The following ICAM3 variants were observed in gnomAD, a reference collection of about 807,000 sequenced individuals.
ICAM3 encodes intercellular adhesion molecule 3.
ICAM3 carries 54 observed loss-of-function variants against 43.6 expected under a neutral mutation model. That is an observed-to-expected ratio of 1.24 (90% CI 0.99 to 1.55). The LOEUF is 1.55. Among genes scored for constraint, ICAM3 ranks in the 40% most tolerant of loss-of-function variants. ICAM3 has a pLI of 0.00. For missense variants in ICAM3, 715 were observed against 717.9 expected (o/e 1.00, Z 0.05); for synonymous variants, 306 against 312.6 (o/e 0.98, Z 0.22).
chr19:10,336,242 G>C, intron 2 of ICAM3: 1 of 493,682 alleles, frequency 2.0e-6, no homozygotes, highest in South Asian at 3.2e-5. Flanking sequence ...AATGAGGATG[G>C]AAGGGATGAA....
chr19:10,335,428 G>A (rs997736256), intron 3 of ICAM3, 75 bp from the exon 4 acceptor site: 22 of 1,380,462 alleles, frequency 1.6e-5, no homozygotes, highest in Non-Finnish European at 1.9e-5. Context: ...CCCCCAGTCA[G>A]GATATCTTGC....
Position 10,335,291 on chromosome 19 carries a change from G to C in ICAM3, c.712C>G (p.Pro238Ala), listed in dbSNP as rs906831006. The C allele has an allele frequency of 1.9e-6, 3 of 1,612,872 alleles. 1 individual carries two copies. Among genetic ancestry groups the C allele is most frequent in the Non-Finnish European group, 8.5e-7 (1 of 1,179,904 alleles). Residue 238 changes from proline (P) to alanine (A), a missense_variant, in exon 4 of 7, where the codon CCG becomes GCG. Transcript: ENST00000160262. ...AGCCCGTCTAGGGTGCAGTCCACCG[G>C]CCACGACGTTTCCACCTCCAAGAAC... The part of the protein sequence containing the change: ...PRFLEVETSW[P>A]VDCTLDGLFP...
Position 10,336,869 on chromosome 19 carries a change from G to A in ICAM3, c.344-893C>T, listed in dbSNP as rs1319763151. 5.9e-5 allele frequency among the ~76,000 whole-genome samples: 9 copies of A among 151,306 alleles called. No individual in the cohort carries two copies. The South Asian group carries it at 1.9e-3, about 32-fold the overall frequency. On this transcript the variant is annotated intron_variant, in intron 2 of 6. Transcript: ENST00000160262. ...TCATGCCTGTAATCCCACCACTTTG[G>A]GAGGCCGAGGGAGGCGGATCACTTG...
chr19:10,338,901 C>T lies in ICAM3; in HGVS notation c.124G>A (p.Val42Met). 1.9e-6 allele frequency: 3 copies of T among 1,614,062 alleles called. No homozygotes were observed. The South Asian group carries it at 3.3e-5, about 18-fold the overall frequency. The change falls in exon 2 of 7, where the codon GTG becomes ATG. Residue 42 changes from valine to methionine, a missense_variant. Physicochemically the swap from Val to Met is conservative, Grantham distance 21 (BLOSUM62 1). Coordinates refer to ENST00000160262, the MANE Select transcript of ICAM3 (RefSeq NM_002162.5). ...FLLRVEPQNP[V>M]LSAGGSLFVN... is the part of the protein sequence containing the mutation. ...AACAGGGACCCTCCAGCAGAGAGCA[C>T]AGGGTTCTGGGGCTCCACCCGCAAA...
At position 10,334,075 on chromosome 19, in the gene ICAM3, G is replaced by C; in HGVS notation, c.1442-16C>G. Reference sequence around the variant, plus strand: ...GAGCTCCCAGCTGTGCAGAGAAAGCGCTAAGTCAATATGCGTCCCTTCTGT... The same window carrying C: ...GAGCTCCCAGCTGTGCAGAGAAAGCCCTAAGTCAATATGCGTCCCTTCTGT... On this transcript the variant is annotated splice_polypyrimidine_tract_variant and intron_variant, in intron 6 of 6. Transcript: ENST00000160262. The surrounding 1 kb of genome is among the most constrained non-coding windows in gnomAD (Gnocchi z 5.5). The C allele has an allele frequency of 1.9e-6, 3 of 1,613,548 alleles. No individual in the cohort carries two copies. Among genetic ancestry groups the C allele is most frequent in the Non-Finnish European group, 2.5e-6 (3 of 1,179,646 alleles).
rs1204570556 is a variant in ICAM3, at chr19:10,334,934, G to A, written c.937+132C>T. The A allele has an allele frequency of 4.8e-6, 7 of 1,450,954 alleles. No homozygotes were observed. Among genetic ancestry groups the A allele is most frequent in the Non-Finnish European group, 6.5e-6 (7 of 1,077,148 alleles). The allele number at this position is 1,450,954 out of a possible 1,614,324, so 89.9% of individuals were successfully genotyped here. A position where few individuals can be genotyped will look rare whatever the true frequency, so the allele number is the denominator to read the frequency against. ...TCTTTCCGCGCTGTGTCCAGCTTCG[G>A]GCACTCAGGCCCAACCCACGTTGCA... On this transcript the variant is annotated intron_variant, in intron 4 of 6. Coordinates refer to ENST00000160262, the MANE Select transcript of ICAM3 (RefSeq NM_002162.5). The surrounding 1 kb of genome is among the most constrained non-coding windows in gnomAD (Gnocchi z 5.5).
Position 10,334,147 on chromosome 19 carries a change from C to G in ICAM3, c.1441+13G>C. 2.5e-6 allele frequency: 4 copies of G among 1,612,574 alleles called. No homozygotes were observed. Among genetic ancestry groups the G allele is most frequent in the Non-Finnish European group, 3.4e-6 (4 of 1,178,792 alleles). On this transcript the variant is annotated intron_variant, in intron 6 of 6. Transcript: ENST00000160262. This position sits in a 1 kb window ranked among gnomAD's most constrained non-coding sequence, Gnocchi z 5.5. ...GCTTACCGGTCCAGACCCGCAGCCCCGTGTTAGCTCACCCTCAATGTCCAT... is the reference window on the plus strand; with the variant it reads ...GCTTACCGGTCCAGACCCGCAGCCCGGTGTTAGCTCACCCTCAATGTCCAT...
Position 10,335,056 on chromosome 19 carries a change from C to T in ICAM3, c.937+10G>A, listed in dbSNP as rs746664303. 1.2e-6 allele frequency: 2 copies of T among 1,609,178 alleles called. No homozygotes were observed. Among genetic ancestry groups the T allele is most frequent in the Non-Finnish European group, 1.7e-6 (2 of 1,176,846 alleles). On this transcript the variant is annotated intron_variant, in intron 4 of 6. Coordinates refer to ENST00000160262, the MANE Select transcript of ICAM3 (RefSeq NM_002162.5). Reference sequence around the variant, plus strand: ...CTGAGGCCGCGCCCCCTTCCCACGCCTCCTCTTACTAAAGACCGTCAAGTT... The same window carrying T: ...CTGAGGCCGCGCCCCCTTCCCACGCTTCCTCTTACTAAAGACCGTCAAGTT...
In ICAM3 at chr19:10,334,300, C is replaced by T. The variant is rs755314452; in HGVS notation, c.1301G>A (p.Arg434Gln). ...CCGGCTGGAGCCTTCCTTCAAACAC[C>T]GCAGCTCGGGGTACGGGTTGCCCCT... Reference protein sequence around the residue: ...QARGNPYPELRCLKEGSSREV... With the variant: ...QARGNPYPELQCLKEGSSREV... Residue 434 changes from arginine (R) to glutamine (Q), a missense_variant, in exon 6 of 7, where the codon CGG (arginine) becomes CAG (glutamine). Physicochemically the swap from Arg to Gln is conservative, Grantham distance 43. Transcript: ENST00000160262. The surrounding 1 kb of genome is among the most constrained non-coding windows in gnomAD (Gnocchi z 5.5). 3 of 1,614,048 alleles carry T rather than the reference C, an allele frequency of 1.9e-6. No individual in the cohort carries two copies. The African/African-American group carries it at 4.0e-5, about 22-fold the overall frequency.
Position 10,334,990 on chromosome 19 carries a change from T to C in ICAM3, c.937+76A>G, listed in dbSNP as rs1310927143. 4.5e-6 allele frequency: 7 copies of C among 1,545,500 alleles called. No individual in the cohort carries two copies. The African/African-American group carries it at 5.4e-5, about 12-fold the overall frequency. ...TATTGGGGCAAGCCAGGCCCCACCTTTTCGGCTAGTCTCCGCCCCCTCTGC... is the reference window on the plus strand; with the variant it reads ...TATTGGGGCAAGCCAGGCCCCACCTCTTCGGCTAGTCTCCGCCCCCTCTGC... On this transcript the variant is annotated intron_variant, in intron 4 of 6. Transcript: ENST00000160262. The surrounding 1 kb of genome is among the most constrained non-coding windows in gnomAD (Gnocchi z 5.5).
rs144533070 is a variant in ICAM3 at position 10,333,882 on chromosome 19, C to A, written c.1619G>T (p.Gly540Val). The A allele has an allele frequency of 1.9e-3, 3,046 of 1,614,160 alleles. 3 individuals carry two copies. The highest frequency in any genetic ancestry group is 2.9e-3 in the Admixed American group (174 of 60,022). The part of the protein sequence containing the change: ...LTSMQPTEAM[G>V]EEPSRAE ...TCACTCAGCTCTGGACGGTTCTTCCCCCATTGCTTCTGTCGGCTGCATAGA... is the reference window on the plus strand; with the variant it reads ...TCACTCAGCTCTGGACGGTTCTTCCACCATTGCTTCTGTCGGCTGCATAGA... The change falls in exon 7 of 7, where the codon GGG (glycine) becomes GTG (valine). Residue 540 changes from glycine (G) to valine (V), a missense_variant. Coordinates refer to ENST00000160262, the MANE Select transcript of ICAM3 (RefSeq NM_002162.5). This position sits in a 1 kb window ranked among gnomAD's most constrained non-coding sequence, Gnocchi z 4.2.
intron 2 of ICAM3, among the ~76,000 whole-genome samples, chr19:10,337,692 T>C (rs2145102204): frequency 6.6e-6 from 1 of 152,312 alleles, no homozygotes; most frequent in African/African-American, 2.4e-5. Context: ...GGTGCAATTA[T>C]AGCTCACTAC....
chr19:10,333,799 G>A lies in ICAM3; in HGVS notation c.*58C>T. On this transcript the variant is annotated 3_prime_UTR_variant, in exon 7 of 7. Coordinates refer to ENST00000160262, the MANE Select transcript of ICAM3 (RefSeq NM_002162.5). This position sits in a 1 kb window ranked among gnomAD's most constrained non-coding sequence, Gnocchi z 4.2. Reference sequence around the variant, plus strand: ...GATTAGGGAGTTTGAAGGCTTTATTGGTGCGGAATCTGAGGGCACAGCCAA... The same window carrying A: ...GATTAGGGAGTTTGAAGGCTTTATTAGTGCGGAATCTGAGGGCACAGCCAA... 1 of 1,554,886 alleles carries A rather than the reference G, an allele frequency of 6.4e-7. No individual in the cohort carries two copies. Among genetic ancestry groups the A allele is most frequent in the Non-Finnish European group, 8.9e-7 (1 of 1,128,732 alleles).
chr19:10,337,981 C>A (rs1360940389), intron 2 of ICAM3, among the ~76,000 whole-genome samples: 2 of 151,500 alleles, frequency 1.3e-5, no homozygotes, highest in African/African-American at 4.9e-5. Context: ...CACCCCGTCT[C>A]TACTAAAAAT....
intron 2 of ICAM3, chr19:10,336,360 G>A (rs2040598381): frequency 4.5e-6 from 1 of 224,064 alleles, no homozygotes; most frequent in African/African-American, 2.3e-5. Context: ...TGGATCAAAA[G>A]GTCAGGATTA....
At chr19:10,335,596 T>A (rs1172855361) in intron 3 of ICAM3, 75 bp downstream of exon 3, 1 of 1,429,564 alleles carries the variant, frequency 7.0e-7, no homozygotes, top group Non-Finnish European at 9.5e-7. Context: ...TACCCCACTC[T>A]CAGGAACCCC....
chr19:10,335,253 T>C lies in ICAM3; in HGVS notation c.750A>G (p.Ser250=), dbSNP rs373709780. ...DCTLDGLFPA[S]EAQVYLALGD... ...CCAGCGCCAGGTAGACCTGGGCCTC[T>C]GAGGCTGGAAAAAGCCCGTCTAGGG... Residue 250 remains serine, a synonymous_variant, in exon 4 of 7, where the codon TCA becomes TCG. Transcript: ENST00000160262. 3 of 1,613,566 alleles carry C rather than the reference T, an allele frequency of 1.9e-6. No individual in the cohort carries two copies. The highest frequency in any genetic ancestry group is 2.7e-5 in the African/African-American group (2 of 74,904).
At chr19:10,338,357 C>T (rs2040619798) in intron 2 of ICAM3, among the ~76,000 whole-genome samples, 1 of 148,366 alleles carries the variant, frequency 6.7e-6, no homozygotes, top group Non-Finnish European at 1.5e-5. Flanking sequence ...GAGCCGACAT[C>T]GTGCCACTGC....
In ICAM3 at chr19:10,338,715, GA is replaced by G; in HGVS notation, c.309del (p.Gln104ArgfsTer2). ...GTGATGTTAGAGGAGCCTGTTATCTGAGAGCCATTGCAGTACACTGAGCAGA... is the reference window on the plus strand; with the variant it reads ...GTGATGTTAGAGGAGCCTGTTATCTGGAGCCATTGCAGTACACTGAGCAGA... The part of the protein sequence containing the change: ...RILCSVYCNG[S>X]QITGSSNITV... On this transcript the variant is annotated frameshift_variant, in exon 2 of 7. Coordinates refer to ENST00000160262, the MANE Select transcript of ICAM3 (RefSeq NM_002162.5). LOFTEE classifies it high-confidence loss of function. 6.2e-7 allele frequency: 1 copy of G among 1,614,082 alleles called. No individual in the cohort carries two copies.
Sources: gnomAD v4.1 joint callset for allele counts (sites outside exome capture counted in the v4.1 genomes callset) on GRCh38, gnomAD v4.1.1 for gene constraint, Gnocchi (gnomAD v3.1) non-coding constraint, MANE v1.5 for transcripts, NCBI Gene and HGNC (gene_info 2026-07-23, HGNC 2026-07-21) for gene names.